Variants in SIPA1L2 observed in about 807,000 individuals in gnomAD.
SIPA1L2 encodes the protein signal induced proliferation associated 1 like 2, also known as signal-induced proliferation-associated 1-like protein 2.
In SIPA1L2, 56 loss-of-function variants were observed where a neutral mutation model predicts 163.9. That is an observed-to-expected ratio of 0.34 (90% CI 0.28 to 0.43). The LOEUF is 0.43. Among genes scored for constraint, SIPA1L2 ranks in the 20% least tolerant of loss-of-function variants. The pLI is 1.00. For missense variants in SIPA1L2, 1,974 were observed against 2,193.5 expected, an observed-to-expected ratio of 0.90 and a Z score of 2.00; for synonymous variants, 877 against 865.7, an observed-to-expected ratio of 1.01 and a Z score of -0.23.
chr1:232,445,917 G>A lies in SIPA1L2; in HGVS notation c.3096-131C>T, dbSNP rs114757741. On this transcript the variant is annotated intron_variant, in intron 10 of 22. Coordinates refer to ENST00000674635, the MANE Select transcript of SIPA1L2 (RefSeq NM_020808.5). ...CTCCCGGCTCCAAGTCAATGATGCA[G>A]AGCGATCCACCCTTAGGAGCATCTC... 297 of 894,552 alleles carry A rather than the reference G, an allele frequency of 3.3e-4. 1 individual carries two copies. In the African/African-American group the frequency reaches 4.7e-3, roughly 14 times the overall value. 55.4% of individuals were successfully genotyped at this position (894,552 alleles called of 1,614,324 possible). A position where few individuals can be genotyped will look rare whatever the true frequency, so the allele number is the denominator to read the frequency against.
At chr1:232,428,941 C>G (rs571091371) in intron 16 of SIPA1L2, among the ~76,000 whole-genome samples, 20 of 152,108 alleles carry the variant, frequency 1.3e-4, no homozygotes, top group South Asian at 2.1e-4. Flanking sequence ...TGTGTGCTCT[C>G]GCGGCTGGAC....
intron 1 of SIPA1L2, among the ~76,000 whole-genome samples, chr1:232,601,640 A>G (rs1661598926): frequency 6.6e-6 from 1 of 152,220 alleles, no homozygotes; most frequent in African/African-American, 2.4e-5. Context: ...AAAACTGAAG[A>G]CATACAGGTT....
At chr1:232,536,585 C>T (rs1219760864) in intron 2 of SIPA1L2, among the ~76,000 whole-genome samples, 1 of 152,024 alleles carries the variant, frequency 6.6e-6, no homozygotes, top group African/African-American at 2.4e-5. Context: ...GAAATGAAAG[C>T]CAGCCTACAC....
chr1:232,401,287 G>A (rs1481994068), intron 22 of SIPA1L2, among the ~76,000 whole-genome samples: 4 of 152,088 alleles, frequency 2.6e-5, no homozygotes, highest in African/African-American at 7.2e-5. Flanking sequence ...TCTCCATCCC[G>A]GGCAAACTGG....
intron 2 of SIPA1L2, among the ~76,000 whole-genome samples, chr1:232,525,516 A>T (rs1667663066): frequency 6.6e-6 from 1 of 151,296 alleles, no homozygotes; most frequent in East Asian, 2.0e-4. Context: ...TTGGCCTCCC[A>T]AAGTGCTGGG....
chr1:232,609,395 A>G (rs1179661495), intron 1 of SIPA1L2, among the ~76,000 whole-genome samples: 2 of 152,192 alleles, frequency 1.3e-5, no homozygotes, highest in African/African-American at 2.4e-5. Flanking sequence ...TTCTTCTTCC[A>G]TTTCCATCAA....
At chr1:232,494,538 T>C (rs941580082) in intron 3 of SIPA1L2, among the ~76,000 whole-genome samples, 5 of 152,266 alleles carry the variant, frequency 3.3e-5, no homozygotes, top group African/African-American at 9.6e-5. Context: ...TACTCTATTC[T>C]GAACCCTTCA....
At chr1:232,602,669 G>A (rs763763241) in intron 1 of SIPA1L2, among the ~76,000 whole-genome samples, 2 of 152,196 alleles carry the variant, frequency 1.3e-5, no homozygotes, top group Non-Finnish European at 2.9e-5. Context: ...CTCATAACTA[G>A]ATGACTGTTT....
chr1:232,603,003 A>T (rs1294231973), intron 1 of SIPA1L2, among the ~76,000 whole-genome samples: 1 of 152,220 alleles, frequency 6.6e-6, no homozygotes, highest in East Asian at 1.9e-4. Context: ...TGTCCTAAGT[A>T]AGGCAGGAGC....
chr1:232,455,651 C>T (rs1176983691), intron 10 of SIPA1L2, among the ~76,000 whole-genome samples: 1 of 127,616 alleles, frequency 7.8e-6, no homozygotes, highest in Non-Finnish European at 1.6e-5. Flanking sequence ...CGAGCCGGAG[C>T]TTGCAGTGAG....
chr1:232,599,397 G>C (rs1661469227), intron 1 of SIPA1L2, among the ~76,000 whole-genome samples: 1 of 152,212 alleles, frequency 6.6e-6, no homozygotes, highest in Non-Finnish European at 1.5e-5. Flanking sequence ...ACAGCAAGAT[G>C]CTGACTGCTC....
At chr1:232,521,980 T>C (rs534022486) in intron 2 of SIPA1L2, among the ~76,000 whole-genome samples, 3 of 152,164 alleles carry the variant, frequency 2.0e-5, no homozygotes, top group African/African-American at 7.2e-5. Context: ...CTGTTCCTCC[T>C]CTGCCCAGCT....
intron 1 of SIPA1L2, among the ~76,000 whole-genome samples, chr1:232,614,798 C>A (rs1470660425): frequency 6.6e-6 from 1 of 152,212 alleles, no homozygotes; most frequent in African/African-American, 2.4e-5. Context: ...TTTGAAATGT[C>A]ATTTATTTTA....
chr1:232,630,158 G>GCCCGCCCGCCCAGCGGCACCGCCC, upstream of SIPA1L2, among the ~76,000 whole-genome samples: 1 of 151,336 alleles, frequency 6.6e-6, no homozygotes, highest in East Asian at 2.0e-4. Flanking sequence ...CGATGCCACC[G>GCCCGCCCGCCCAGCGGCACCGCCC]CCCGCCCGCC....
At chr1:232,630,166 G>A (rs1287676399), upstream of SIPA1L2, among the ~76,000 whole-genome samples, 2 of 151,392 alleles carry the variant, frequency 1.3e-5, no homozygotes, top group East Asian at 3.9e-4. Context: ...CCGCCCGCCC[G>A]CCCAGCGGCA....
chr1:232,594,160 C>G (rs1047607939), intron 1 of SIPA1L2, among the ~76,000 whole-genome samples: 1 of 152,158 alleles, frequency 6.6e-6, no homozygotes, highest in African/African-American at 2.4e-5. Flanking sequence ...TCTGCCCAGT[C>G]GGACTAGAAC....
chr1:232,496,115 G>A (rs929212539), intron 3 of SIPA1L2, among the ~76,000 whole-genome samples: 1 of 152,180 alleles, frequency 6.6e-6, no homozygotes, highest in Non-Finnish European at 1.5e-5. Context: ...ACTGACTCAC[G>A]CAGAGCGGAT....
Position 232,515,408 on chromosome 1 carries a change from C to T in SIPA1L2, c.-69G>A, listed in dbSNP as rs921357164. 34 of 1,461,558 alleles carry T rather than the reference C, an allele frequency of 2.3e-5. No individual in the cohort carries two copies. The African/African-American group carries it at 4.7e-4, about 20-fold the overall frequency. 90.5% of individuals were successfully genotyped at this position (1,461,558 alleles called of 1,614,324 possible). ...GTAAATCTAATTACATTGCTACCGACCACGCCATAATACTTGCAGATATAA... is the reference window on the plus strand; with the variant it reads ...GTAAATCTAATTACATTGCTACCGATCACGCCATAATACTTGCAGATATAA... On this transcript the variant is annotated 5_prime_UTR_variant, in exon 3 of 23. The change creates a premature stop within an existing upstream ORF in the 5' untranslated region. Coordinates refer to ENST00000674635, the MANE Select transcript of SIPA1L2 (RefSeq NM_020808.5).
At chr1:232,468,046 T>C (rs904710849) in intron 8 of SIPA1L2, among the ~76,000 whole-genome samples, 4 of 152,218 alleles carry the variant, frequency 2.6e-5, no homozygotes, top group Non-Finnish European at 5.9e-5. Flanking sequence ...ACCAGCAGAA[T>C]GTAAGCATGG....
Sources: allele counts gnomAD v4.1 joint callset (sites outside exome capture counted in the v4.1 genomes callset), GRCh38; gene constraint gnomAD v4.1.1; transcripts MANE v1.5; gene names NCBI Gene and HGNC (gene_info 2026-07-23, HGNC 2026-07-21).